MCPH1: variants seen among roughly 807,000 people sequenced by gnomAD.
MCPH1 encodes microcephalin.
MCPH1 carries 104 observed loss-of-function variants against 84.5 expected under a neutral mutation model. The ratio of observed to expected loss-of-function variants is 1.23; its 90% CI spans 1.05 to 1.45. The LOEUF (loss-of-function observed/expected upper bound fraction) is 1.45, where lower values mean the gene tolerates loss of function less well. Ranked by LOEUF, MCPH1 falls within the 40% of genes most tolerant of loss-of-function variation. MCPH1 has a pLI of 0.00. For synonymous variants in MCPH1, 514 were observed against 366.8 expected (o/e 1.40, Z -4.58); for missense variants, 1,498 against 1,005.7 (o/e 1.49, Z -6.62).
At chr8:6,428,874 T>C (rs1362653656) in intron 3 of MCPH1, among the ~76,000 whole-genome samples, 6 of 152,124 alleles carry the variant, frequency 3.9e-5, no homozygotes, top group Admixed American at 3.9e-4. Flanking sequence ...TTCACACTTG[T>C]GGCTGCTTCT....
At chr8:6,620,955 G>C (rs117924380) in intron 12 of MCPH1, 1 of 185,906 alleles carries the variant, frequency 5.4e-6, no homozygotes, top group Non-Finnish European at 1.1e-5. Context: ...CCCTTTCCCC[G>C]TCCAGACCAT....
intron 5 of MCPH1, 66 bp downstream of exon 5, chr8:6,436,228 T>G: frequency 1.3e-6 from 2 of 1,525,696 alleles, no homozygotes; most frequent in Non-Finnish European, 1.8e-6. Context: ...ATTTGCATGA[T>G]GACTAGTGGG....
At chr8:6,419,202 A>G (rs1799801367) in intron 3 of MCPH1, among the ~76,000 whole-genome samples, 1 of 149,614 alleles carries the variant, frequency 6.7e-6, no homozygotes, top group African/African-American at 2.5e-5. Flanking sequence ...TTTTTACCCC[A>G]AATACTTATT....
intron 10 of MCPH1, among the ~76,000 whole-genome samples, chr8:6,479,921 A>G (rs1458408937): frequency 1.3e-5 from 2 of 152,152 alleles, no homozygotes; most frequent in African/African-American, 4.8e-5. Context: ...GATTTAATAA[A>G]AAGGGTCTTT....
chr8:6,431,392 A>T, intron 3 of MCPH1, 107 bp from the exon 4 acceptor site: 2 of 810,952 alleles, frequency 2.5e-6, no homozygotes, highest in Non-Finnish European at 4.2e-6. Context: ...TGTTAAAATG[A>T]CCTAGCTATG....
intron 9 of MCPH1, among the ~76,000 whole-genome samples, chr8:6,472,175 T>A (rs1314852095): frequency 6.6e-6 from 1 of 152,026 alleles, no homozygotes; most frequent in African/African-American, 2.4e-5. Context: ...AACAAAATAG[T>A]CCCAAGACAT....
intron 12 of MCPH1, among the ~76,000 whole-genome samples, chr8:6,516,863 T>C (rs1226595053): frequency 6.6e-6 from 1 of 152,220 alleles, no homozygotes; most frequent in Non-Finnish European, 1.5e-5. Flanking sequence ...TATCTTGTTA[T>C]GGAAGTCAGA....
At chr8:6,586,873 C>T (rs76998376) in intron 12 of MCPH1, among the ~76,000 whole-genome samples, 3 of 152,166 alleles carry the variant, frequency 2.0e-5, no homozygotes, top group Non-Finnish European at 4.4e-5. Context: ...TTTAAACCAC[C>T]CGTAATGTAG....
At chr8:6,423,458 C>T (rs868288162) in intron 3 of MCPH1, among the ~76,000 whole-genome samples, 52 of 152,266 alleles carry the variant, frequency 3.4e-4, no homozygotes, top group African/African-American at 1.2e-3. Context: ...AGCCCCTGCG[C>T]CCGGCCCATA....
chr8:6,645,348 A>C lies in MCPH1; in HGVS notation c.*2299A>C, dbSNP rs1798165401. 6.6e-6 allele frequency: 1 copy of C among 152,162 alleles called. No individual in the cohort carries two copies. Among genetic ancestry groups the C allele is most frequent in the African/African-American group, 2.4e-5 (1 of 41,442 alleles). 9.4% of individuals were successfully genotyped at this position (152,162 alleles called of 1,614,324 possible). Reference sequence around the variant, plus strand: ...TGTTGTACTTCATTTTACCCTTTCAACAATCCTATTAGTAGCTTACTGTGG... The same window carrying C: ...TGTTGTACTTCATTTTACCCTTTCACCAATCCTATTAGTAGCTTACTGTGG... On this transcript the variant is annotated 3_prime_UTR_variant, in exon 14 of 14. Transcript: ENST00000344683.
At chr8:6,547,600 CA>C (rs1451914978) in intron 12 of MCPH1, among the ~76,000 whole-genome samples, 8 of 152,174 alleles carry the variant, frequency 5.3e-5, no homozygotes, top group African/African-American at 1.9e-4. Context: ...ATGGCTGACT[CA>C]CTTGCCTCAT....
intron 12 of MCPH1, chr8:6,503,209 T>C: frequency 1.2e-6 from 2 of 1,614,198 alleles, no homozygotes; most frequent in Non-Finnish European, 1.7e-6. Context: ...TCTGCCTCTG[T>C]GGATAGTACA....
chr8:6,447,466 G>T (rs1804567648), intron 8 of MCPH1: 1 of 972,686 alleles, frequency 1.0e-6, no homozygotes, highest in Non-Finnish European at 1.2e-6. Context: ...GTGTAAAAAA[G>T]GCTTCAAAAA....
chr8:6,452,498 T>C (rs1421601929), intron 8 of MCPH1, among the ~76,000 whole-genome samples: 3 of 152,248 alleles, frequency 2.0e-5, no homozygotes, highest in Admixed American at 6.5e-5. Context: ...GAGGAAGATA[T>C]ATGGCTTTCA....
chr8:6,509,557 T>C (rs997511347), intron 12 of MCPH1, among the ~76,000 whole-genome samples: 1 of 152,162 alleles, frequency 6.6e-6, no homozygotes, highest in African/African-American at 2.4e-5. Flanking sequence ...AAATAAATCC[T>C]TGTGGCTACA....
chr8:6,462,489 A>G (rs1353484573), intron 9 of MCPH1, among the ~76,000 whole-genome samples: 1 of 152,214 alleles, frequency 6.6e-6, no homozygotes, highest in Non-Finnish European at 1.5e-5. Context: ...TGATGGAATC[A>G]TCATCATGTA....
chr8:6,600,468 C>T (rs2515541), intron 12 of MCPH1, among the ~76,000 whole-genome samples: 143,013 of 152,296 alleles, frequency 0.94, 67,817 homozygotes, highest in East Asian at 1. Flanking sequence ...ATTGCCACCA[C>T]TGGGGATTGG....
chr8:6,518,672 T>C (rs912831826), intron 12 of MCPH1, among the ~76,000 whole-genome samples: 1 of 152,206 alleles, frequency 6.6e-6, no homozygotes, highest in African/African-American at 2.4e-5. Context: ...AAAGAGATAA[T>C]ACTTCCAAGA....
chr8:6,579,283 G>T (rs1473363199), intron 12 of MCPH1, among the ~76,000 whole-genome samples: 1 of 152,148 alleles, frequency 6.6e-6, no homozygotes, highest in Non-Finnish European at 1.5e-5. Context: ...GCGTGAGTTC[G>T]CCCCCTTTCC....
Sources: gnomAD v4.1 joint callset for allele counts (sites outside exome capture counted in the v4.1 genomes callset) on GRCh38, gnomAD v4.1.1 for gene constraint, MANE v1.5 for transcripts, NCBI Gene and HGNC (gene_info 2026-07-23, HGNC 2026-07-21) for gene names.